ANTXR1: variants seen among roughly 807,000 people sequenced by gnomAD.
ANTXR1 encodes anthrax toxin receptor 1.
Under a neutral mutation model 78.1 loss-of-function variants are expected in ANTXR1, and 19 were observed. That is an observed-to-expected ratio of 0.24 (90% CI 0.17 to 0.36). The LOEUF is 0.36. Among genes scored for constraint, ANTXR1 ranks in the 10% least tolerant of loss-of-function variants. The pLI is 1.00. For synonymous variants in ANTXR1, 273 were observed against 260.5 expected (o/e 1.05, Z -0.46); for missense variants, 518 against 718.6 (o/e 0.72, Z 3.19).
intron 1 of ANTXR1, among the ~76,000 whole-genome samples, chr2:69,019,685 C>T (rs7557618): frequency 0.061 from 9,245 of 152,148 alleles, 628 homozygotes; most frequent in African/African-American, 0.17. Flanking sequence ...ACCGAGGTAT[C>T]AAGCCTAGTA....
In ANTXR1 at chr2:69,123,036, G is replaced by A. The variant is rs770984209; in HGVS notation, c.822G>A (p.Val274=). Residue 274 remains valine, a synonymous_variant, in exon 11 of 18, where the codon GTG becomes GTA. Transcript: ENST00000303714. ...TTGCAGATGAGAAGCCCTTTTCTGT[G>A]GAAGATACTTATTTACTGTGTCCAG... The part of the protein sequence containing the change: ...SVTLNEKPFS[V]EDTYLLCPAP... 3.1e-6 allele frequency: 5 copies of A among 1,613,948 alleles called. No individual in the cohort carries two copies. In the South Asian group the frequency reaches 3.3e-5, roughly 11 times the overall value.
intron 3 of ANTXR1, among the ~76,000 whole-genome samples, chr2:69,070,074 C>T (rs1670522511): frequency 6.6e-6 from 1 of 152,216 alleles, no homozygotes; most frequent in African/African-American, 2.4e-5. Context: ...TTCCTGCCCG[C>T]ACTGTCACCT....
At chr2:69,223,863 T>C (rs1194859367) in intron 17 of ANTXR1, among the ~76,000 whole-genome samples, 1 of 152,238 alleles carries the variant, frequency 6.6e-6, no homozygotes, top group Non-Finnish European at 1.5e-5. Context: ...TTGCTTGATC[T>C]CGAATGTAGG....
chr2:69,185,854 C>T (rs1387797117), intron 16 of ANTXR1, among the ~76,000 whole-genome samples: 1 of 152,146 alleles, frequency 6.6e-6, no homozygotes, highest in Non-Finnish European at 1.5e-5. Flanking sequence ...ACTTGAAGAG[C>T]TCCTCGGCAG....
intron 17 of ANTXR1, among the ~76,000 whole-genome samples, chr2:69,234,533 T>A (rs1219429912): frequency 6.6e-6 from 1 of 152,138 alleles, no homozygotes; most frequent in African/African-American, 2.4e-5. Context: ...TCCCAGCACT[T>A]TGGGAGGCCA....
rs1178574522 is a variant in ANTXR1, at chr2:69,124,661, C to T, written c.951+18C>T. The stretch of plus-strand genomic sequence containing the variant: ...CACACTGTGTAAGTCATAACCTTTC[C>T]CTTTACTAAAGATCTCATTATCATT... On this transcript the variant is annotated intron_variant, in intron 12 of 17. Transcript: ENST00000303714. 1 of 1,611,672 alleles carries T rather than the reference C, an allele frequency of 6.2e-7. No homozygotes were observed. Among genetic ancestry groups the T allele is most frequent in the Non-Finnish European group, 8.5e-7 (1 of 1,177,856 alleles).
chr2:69,018,896 CTTAA>C (rs1453191521), intron 1 of ANTXR1, among the ~76,000 whole-genome samples: 1 of 152,174 alleles, frequency 6.6e-6, no homozygotes, highest in African/African-American at 2.4e-5. Context: ...ATTAAAGTTA[CTTAA>C]TTGAGGAGCT....
chr2:69,237,161 G>T (rs1262731102), intron 17 of ANTXR1, among the ~76,000 whole-genome samples: 2 of 152,048 alleles, frequency 1.3e-5, no homozygotes, highest in Non-Finnish European at 2.9e-5. Context: ...GTTTCCTCGT[G>T]TTACCAAATA....
At chr2:69,090,707 A>G in intron 8 of ANTXR1, 152 bp from the exon 9 acceptor site, 1 of 696,894 alleles carries the variant, frequency 1.4e-6, no homozygotes, top group African/African-American at 1.8e-5. Flanking sequence ...TGGTATTGGT[A>G]CTAGTCAAGA....
chr2:69,038,771 C>T (rs1669525836), intron 1 of ANTXR1, among the ~76,000 whole-genome samples: 1 of 152,114 alleles, frequency 6.6e-6, no homozygotes, highest in African/African-American at 2.4e-5. Flanking sequence ...CACAGAGTAT[C>T]TAATGGTATG....
intron 17 of ANTXR1, among the ~76,000 whole-genome samples, chr2:69,213,925 T>C (rs1410202168): frequency 6.6e-6 from 1 of 152,252 alleles, no homozygotes; most frequent in Non-Finnish European, 1.5e-5. Context: ...GTGGGGGCAC[T>C]AAGCATAATG....
At chr2:69,188,905 T>C (rs1371500029) in intron 16 of ANTXR1, among the ~76,000 whole-genome samples, 3 of 152,248 alleles carry the variant, frequency 2.0e-5, no homozygotes, top group East Asian at 3.8e-4. Flanking sequence ...CCACTACTAC[T>C]GTCTTTAAAT....
chr2:69,222,995 T>C (rs1196260757), intron 17 of ANTXR1, among the ~76,000 whole-genome samples: 1 of 152,246 alleles, frequency 6.6e-6, no homozygotes, highest in Non-Finnish European at 1.5e-5. Context: ...TCTTTATGAT[T>C]TGCCTTCAGA....
chr2:69,197,462 A>ATT (rs914562362), intron 17 of ANTXR1, among the ~76,000 whole-genome samples: 29 of 152,324 alleles, frequency 1.9e-4, no homozygotes, highest in African/African-American at 7.0e-4. Context: ...AGCACGTGGA[A>ATT]TTAATTGCTG....
At chr2:69,175,947 C>T (rs955365477) in intron 14 of ANTXR1, among the ~76,000 whole-genome samples, 2 of 152,036 alleles carry the variant, frequency 1.3e-5, no homozygotes, top group African/African-American at 4.8e-5. Context: ...CTCCTAATAG[C>T]AACAGGTCTG....
chr2:69,239,757 C>G (rs541839021), intron 17 of ANTXR1, among the ~76,000 whole-genome samples: 2 of 152,174 alleles, frequency 1.3e-5, no homozygotes, highest in Non-Finnish European at 2.9e-5. Context: ...AGGCAGACCA[C>G]AGCCCCCAGC....
At chr2:69,052,163 T>C (rs1258455434) in intron 3 of ANTXR1, among the ~76,000 whole-genome samples, 2 of 152,116 alleles carry the variant, frequency 1.3e-5, no homozygotes, top group African/African-American at 4.8e-5. Flanking sequence ...TTATCTAAAC[T>C]TACTGTAAGA....
At chr2:69,129,431 T>C (rs1672652550) in intron 12 of ANTXR1, among the ~76,000 whole-genome samples, 1 of 152,114 alleles carries the variant, frequency 6.6e-6, no homozygotes, top group Admixed American at 6.5e-5. Context: ...AAAATCCAGT[T>C]GGAGAAAGAG....
chr2:69,126,111 T>C (rs1452305799), intron 12 of ANTXR1, among the ~76,000 whole-genome samples: 1 of 152,134 alleles, frequency 6.6e-6, no homozygotes, highest in Non-Finnish European at 1.5e-5. Context: ...ATGCACTGAA[T>C]GTAGATAATA....
Sources: gnomAD v4.1 joint callset for allele counts (sites outside exome capture counted in the v4.1 genomes callset) on GRCh38, gnomAD v4.1.1 for gene constraint, MANE v1.5 for transcripts, NCBI Gene and HGNC (gene_info 2026-07-23, HGNC 2026-07-21) for gene names.